The following POLR3G variants were observed in gnomAD, a reference collection of about 807,000 sequenced individuals.
POLR3G encodes the protein RNA polymerase III subunit G.
Under a neutral mutation model 30.1 loss-of-function variants are expected in POLR3G, and 28 were observed. The observed-to-expected ratio is 0.93, with a 90% CI of 0.69 to 1.27. POLR3G has a LOEUF of 1.27. Ranked by LOEUF, POLR3G falls within the 50% of genes most tolerant of loss-of-function variation. The pLI is 0.00. For synonymous variants in POLR3G, 79 were observed against 82.5 expected (o/e 0.96, Z 0.23); for missense variants, 254 against 264.6 (o/e 0.96, Z 0.28).
chr5:90,483,249 C>T (rs1751240490), intron 1 of POLR3G, among the ~76,000 whole-genome samples: 1 of 151,732 alleles, frequency 6.6e-6, no homozygotes, highest in Non-Finnish European at 1.5e-5. Flanking sequence ...GTGTGAATTA[C>T]TCTTTCTGTA....
intron 2 of POLR3G, among the ~76,000 whole-genome samples, chr5:90,487,192 T>G (rs1751481692): frequency 6.6e-6 from 1 of 152,096 alleles, no homozygotes; most frequent in African/African-American, 2.4e-5. Flanking sequence ...GCCCTTTCAA[T>G]GAGATACTGG....
chr5:90,493,340 AG>A (rs1751825636), intron 3 of POLR3G, among the ~76,000 whole-genome samples: 1 of 150,962 alleles, frequency 6.6e-6, no homozygotes, highest in African/African-American at 2.4e-5. Context: ...TCCACCTCCC[AG>A]GCTCAAGTGA....
intron 1 of POLR3G, among the ~76,000 whole-genome samples, chr5:90,476,633 A>G (rs542115655): frequency 6.6e-6 from 1 of 152,348 alleles, no homozygotes; most frequent in Non-Finnish European, 1.5e-5. Context: ...GCAATAATTT[A>G]TCCAATAATC....
intron 1 of POLR3G, among the ~76,000 whole-genome samples, 177 bp downstream of exon 1, chr5:90,475,197 T>C (rs934267478): frequency 9.2e-5 from 14 of 152,182 alleles, no homozygotes; most frequent in African/African-American, 3.4e-4. Flanking sequence ...CCCTTCAGAA[T>C]TTTTTAAGTC....
At chr5:90,498,619 C>T (rs977645219) in intron 5 of POLR3G, among the ~76,000 whole-genome samples, 6 of 152,146 alleles carry the variant, frequency 3.9e-5, no homozygotes, top group Non-Finnish European at 5.9e-5. Context: ...TTATTGTAGA[C>T]CTTTTCATTT....
At chr5:90,479,197 C>T (rs773377063) in intron 1 of POLR3G, among the ~76,000 whole-genome samples, 4 of 152,064 alleles carry the variant, frequency 2.6e-5, no homozygotes, top group Non-Finnish European at 4.4e-5. Context: ...AACAGCCAGG[C>T]GCGGTGGCTC....
upstream of POLR3G, chr5:90,473,995 C>T: frequency 1.3e-6 from 2 of 1,599,072 alleles, no homozygotes; most frequent in Non-Finnish European, 1.7e-6. Flanking sequence ...GCGTGGTGCA[C>T]TGCCACGCGG....
chr5:90,476,545 T>G (rs1750830333), intron 1 of POLR3G, among the ~76,000 whole-genome samples: 1 of 152,126 alleles, frequency 6.6e-6, no homozygotes, highest in South Asian at 2.1e-4. Flanking sequence ...CCCTCAGTAG[T>G]CTGGGTACTT....
intron 6 of POLR3G, among the ~76,000 whole-genome samples, chr5:90,505,593 C>G (rs1752445624): frequency 6.6e-6 from 1 of 152,152 alleles, no homozygotes; most frequent in Admixed American, 6.5e-5. Flanking sequence ...TTTGTCTTCT[C>G]TTTTAGAATT....
intron 6 of POLR3G, among the ~76,000 whole-genome samples, chr5:90,504,685 C>T (rs1752407169): frequency 6.6e-6 from 1 of 152,112 alleles, no homozygotes; most frequent in Non-Finnish European, 1.5e-5. Flanking sequence ...ATAAATATGG[C>T]ACTACAATTT....
chr5:90,485,384 A>G (rs1231919980), intron 1 of POLR3G, 141 bp from the exon 2 acceptor site: 1 of 534,994 alleles, frequency 1.9e-6, no homozygotes. Context: ...GTCAGTTGTC[A>G]CATGTTTATT....
In POLR3G at chr5:90,506,572, TGAAGA is replaced by T; in HGVS notation, c.487_491del (p.Glu163ArgfsTer8). 6.2e-7 allele frequency: 1 copy of T among 1,612,162 alleles called. No individual in the cohort carries two copies. The highest frequency in any genetic ancestry group is 8.5e-7 in the Non-Finnish European group (1 of 1,179,264). On this transcript the variant is annotated frameshift_variant, in exon 7 of 8. Transcript: ENST00000651687. LOFTEE classifies it high-confidence loss of function. ...ATGGTGAAAAATCAGATGAGGAAAA[TGAAGA>T]GAAAGAAGGAAGCAAAGAGAAAAGT...
intron 2 of POLR3G, among the ~76,000 whole-genome samples, chr5:90,486,733 C>T (rs560238063): frequency 6.6e-6 from 1 of 152,192 alleles, no homozygotes; most frequent in Non-Finnish European, 1.5e-5. Flanking sequence ...GTCATTTTTC[C>T]TTTACCCACC....
chr5:90,502,820 C>CTT (rs1580216242), intron 6 of POLR3G, among the ~76,000 whole-genome samples: 1 of 100,826 alleles, frequency 9.9e-6, no homozygotes, highest in Admixed American at 9.7e-5. Flanking sequence ...TTTTTTTTGG[C>CTT]TGCACTATAA....
chr5:90,474,425 G>C (rs377733994), upstream of POLR3G: 1 of 795,154 alleles, frequency 1.3e-6, no homozygotes, highest in African/African-American at 1.7e-5. Context: ...GCGAGGCGGG[G>C]GCGTGGGATG....
chr5:90,501,634 T>C (rs535541004), intron 5 of POLR3G, among the ~76,000 whole-genome samples: 2 of 152,218 alleles, frequency 1.3e-5, no homozygotes, highest in African/African-American at 4.8e-5. Flanking sequence ...ATGATATTAA[T>C]TGCCAGTACC....
At chr5:90,489,040 C>G (rs1441405330) in intron 3 of POLR3G, among the ~76,000 whole-genome samples, 3 of 152,122 alleles carry the variant, frequency 2.0e-5, no homozygotes, top group Non-Finnish European at 2.9e-5. Flanking sequence ...TTCGTAGTGT[C>G]ATCTCATTCC....
intron 7 of POLR3G, among the ~76,000 whole-genome samples, chr5:90,511,053 G>C (rs749111524): frequency 6.6e-6 from 1 of 152,046 alleles, no homozygotes; most frequent in African/African-American, 2.4e-5. Flanking sequence ...TTATCACTCA[G>C]CTTTAACAAT....
intron 2 of POLR3G, among the ~76,000 whole-genome samples, chr5:90,487,357 CT>C (rs397697024): frequency 4.8e-4 from 35 of 73,612 alleles, no homozygotes; most frequent in Admixed American, 7.7e-4. Context: ...CTTAGTTTTT[CT>C]TTTTTTTTTT....
Sources: allele counts gnomAD v4.1 joint callset (sites outside exome capture counted in the v4.1 genomes callset), GRCh38; gene constraint gnomAD v4.1.1; transcripts MANE v1.5; gene names NCBI Gene and HGNC (gene_info 2026-07-23, HGNC 2026-07-21).